The following TP53INP2 variants were observed in gnomAD, a reference collection of about 807,000 sequenced individuals.
TP53INP2 encodes tumor protein p53-inducible nuclear protein 2.
TP53INP2 carries 12 observed loss-of-function variants against 17.1 expected under a neutral mutation model. That is an observed-to-expected ratio of 0.70 (90% confidence interval 0.45 to 1.14). The LOEUF (loss-of-function observed/expected upper bound fraction) is 1.14, where lower values mean the gene tolerates loss of function less well. Among genes scored for constraint, TP53INP2 ranks in the 50% most tolerant of loss-of-function variants. The pLI is 0.00. For missense variants in TP53INP2, 342 were observed against 330.9 expected (o/e 1.03, Z -0.26); for synonymous variants, 145 against 147.3 (o/e 0.98, Z 0.12).
chr20:34,705,044 TC>T (rs1196591311), intron 1 of TP53INP2, among the ~76,000 whole-genome samples: 1 of 152,138 alleles, frequency 6.6e-6, no homozygotes, highest in Non-Finnish European at 1.5e-5. Context: ...AATAACATCC[TC>T]CTAATCCCTG....
In TP53INP2 at chr20:34,709,160, G is replaced by GGTGT. The variant is rs72441151; in HGVS notation, c.125-54_125-51dup. 1.3e-4 allele frequency: 171 copies of GGTGT among 1,360,070 alleles called. No homozygotes were observed. Among genetic ancestry groups the GGTGT allele is most frequent in the South Asian group, 7.8e-4 (52 of 66,986 alleles). 84.3% of individuals were successfully genotyped at this position (1,360,070 alleles called of 1,614,324 possible). The stretch of plus-strand genomic sequence containing the variant: ...CCTTTCTCTCCCCGCCCCCTTGTCC[G>GGTGT]GTGTGTGTGTGTGTGTGTGTGTGTG... On this transcript the variant is annotated intron_variant, in intron 3 of 4. Transcript: ENST00000374810. This position sits in a 1 kb window ranked among gnomAD's most constrained non-coding sequence, Gnocchi z 5.4.
rs1988083111 is a variant in TP53INP2 at position 34,709,209 on chromosome 20, GCACGGCTCCCATCC to G, written c.125-25_125-12del. The G allele has an allele frequency of 2.0e-6, 3 of 1,532,588 alleles. No individual in the cohort carries two copies. The East Asian group carries it at 7.4e-5, about 38-fold the overall frequency. The allele number at this position is 1,532,588 out of a possible 1,614,324, so 94.9% of individuals were successfully genotyped here. A position where few individuals can be genotyped will look rare whatever the true frequency, so the allele number is the denominator to read the frequency against. ...TGCCTCCTCGCTGCTCCCCTCCTCT[GCACGGCTCCCATCC>G]CGCGCCCCGTAGACAGCTACGCGGC... On this transcript the variant is annotated splice_polypyrimidine_tract_variant and intron_variant, in intron 3 of 4. Coordinates refer to ENST00000374810, the MANE Select transcript of TP53INP2 (RefSeq NM_021202.3). The surrounding 1 kb of genome is among the most constrained non-coding windows in gnomAD (Gnocchi z 5.4).
rs181587000 is a variant in TP53INP2, at chr20:34,707,832, C to G, written c.-49-859C>G. ...TATTATTTTGAGACCAAGTTTCGCT[C>G]TGTCACCCAGGCTGGAGTGCAGTGG... On this transcript the variant is annotated intron_variant, in intron 2 of 4. Coordinates refer to ENST00000374810, the MANE Select transcript of TP53INP2 (RefSeq NM_021202.3). 1.3e-4 allele frequency among the ~76,000 whole-genome samples: 20 copies of G among 152,330 alleles called. No individual in the cohort carries two copies. In the East Asian group the frequency reaches 2.9e-3, roughly 22 times the overall value.
In TP53INP2 at chr20:34,709,256, A is replaced by G. The variant is rs899215463; in HGVS notation, c.145A>G (p.Ser49Gly). The part of the protein sequence containing the change: ...DLPDSYAAPP[S>G]PGAAPAPAGR... ...CGTAGACAGCTACGCGGCTCCACCC[A>G]GCCCCGGGGCCGCCCCTGCCCCCGC... Residue 49 changes from serine (S) to glycine (G), a missense_variant, in exon 4 of 5, where the codon AGC becomes GGC. Transcript: ENST00000374810. The surrounding 1 kb of genome is among the most constrained non-coding windows in gnomAD (Gnocchi z 5.4). The G allele has an allele frequency of 1.4e-5, 22 of 1,575,326 alleles. No individual in the cohort carries two copies. The highest frequency in any genetic ancestry group is 1.8e-5 in the Non-Finnish European group (21 of 1,160,886).
chr20:34,710,272 A>G lies in TP53INP2; in HGVS notation c.628A>G (p.Ile210Val), dbSNP rs1405989055. The G allele has an allele frequency of 2.1e-6, 3 of 1,440,920 alleles. No individual in the cohort carries two copies. The highest frequency in any genetic ancestry group is 1.5e-5 in the African/African-American group (1 of 68,332). The allele number at this position is 1,440,920 out of a possible 1,614,324, so 89.3% of individuals were successfully genotyped here. The change falls in exon 5 of 5, where the codon ATC (isoleucine) becomes GTC (valine). Residue 210 changes from isoleucine to valine, a missense_variant. By Grantham distance (29) the Ile-to-Val change is conservative. Coordinates refer to ENST00000374810, the MANE Select transcript of TP53INP2 (RefSeq NM_021202.3). The surrounding 1 kb of genome is among the most constrained non-coding windows in gnomAD (Gnocchi z 4.9). Reference protein sequence around the residue: ...PRRSKNQSSFIYQPCQRQFNY With the variant: ...PRRSKNQSSFVYQPCQRQFNY Reference sequence around the variant, plus strand: ...CCGGTCCAAGAACCAGAGCAGCTTCATCTACCAGCCGTGCCAGCGCCAGTT... The same window carrying G: ...CCGGTCCAAGAACCAGAGCAGCTTCGTCTACCAGCCGTGCCAGCGCCAGTT...
In TP53INP2 at chr20:34,713,160, T is replaced by G. The variant is rs1220079308; in HGVS notation, c.*2853T>G. ...ATGCAGACACACCATAGCCCCCTTC[T>G]ACTACTTTCCCTCTCGCCCTGCCAC... On this transcript the variant is annotated 3_prime_UTR_variant, in exon 5 of 5. Coordinates refer to ENST00000374810, the MANE Select transcript of TP53INP2 (RefSeq NM_021202.3). 1 of 152,660 alleles carries G rather than the reference T, an allele frequency of 6.6e-6. No homozygotes were observed. The highest frequency in any genetic ancestry group is 1.5e-5 in the Non-Finnish European group (1 of 68,068). 9.5% of individuals were successfully genotyped at this position (152,660 alleles called of 1,614,324 possible). A position where few individuals can be genotyped will look rare whatever the true frequency, so the allele number is the denominator to read the frequency against.
At position 34,709,578 on chromosome 20, in the gene TP53INP2, C is replaced by T. The variant is rs866077424; in HGVS notation, c.413+54C>T. ...GCCCAGGGAGACGGATCTTGGAGGC[C>T]AGGGTCCAGGCTAGGAGGCTGGGGT... is the stretch of plus-strand genomic sequence containing the variant. On this transcript the variant is annotated intron_variant, in intron 4 of 4. Coordinates refer to ENST00000374810, the MANE Select transcript of TP53INP2 (RefSeq NM_021202.3). The surrounding 1 kb of genome is among the most constrained non-coding windows in gnomAD (Gnocchi z 5.4). The T allele has an allele frequency of 1.3e-6, 2 of 1,546,558 alleles. No homozygotes were observed. The highest frequency in any genetic ancestry group is 1.2e-5 in the South Asian group (1 of 84,034).
At chr20:34,708,373 G>C (rs1988048086) in intron 2 of TP53INP2, among the ~76,000 whole-genome samples, 1 of 151,960 alleles carries the variant, frequency 6.6e-6, no homozygotes, top group South Asian at 2.1e-4. Flanking sequence ...ATTCTTATTA[G>C]AGCCTGGAGG....
chr20:34,708,155 C>T (rs1988043363), intron 2 of TP53INP2, among the ~76,000 whole-genome samples: 1 of 152,188 alleles, frequency 6.6e-6, no homozygotes, highest in African/African-American at 2.4e-5. Context: ...GCTTGGATGT[C>T]CAATTCTCTG....
chr20:34,713,285 C>T lies in TP53INP2; in HGVS notation c.*2978C>T, dbSNP rs1988259281. 1 of 152,628 alleles carries T rather than the reference C, an allele frequency of 6.6e-6. No individual in the cohort carries two copies. Among genetic ancestry groups the T allele is most frequent in the Non-Finnish European group, 1.5e-5 (1 of 68,038 alleles). The allele number at this position is 152,628 out of a possible 1,614,324, so 9.5% of individuals were successfully genotyped here. A position where few individuals can be genotyped will look rare whatever the true frequency, so the allele number is the denominator to read the frequency against. ...AGACTTTGACCATGTGACGTGTCAA[C>T]AGACTCAAGGAGACAACCACCTCAA... is the stretch of plus-strand genomic sequence containing the variant. On this transcript the variant is annotated 3_prime_UTR_variant, in exon 5 of 5. Transcript: ENST00000374810.
rs954329017 is a variant in TP53INP2 at position 34,713,374 on chromosome 20, A to G, written c.*3067A>G. 2 of 152,676 alleles carry G rather than the reference A, an allele frequency of 1.3e-5. No individual in the cohort carries two copies. Among genetic ancestry groups the G allele is most frequent in the African/African-American group, 4.8e-5 (2 of 41,458 alleles). The allele number at this position is 152,676 out of a possible 1,614,324, so 9.5% of individuals were successfully genotyped here. On this transcript the variant is annotated 3_prime_UTR_variant, in exon 5 of 5. Coordinates refer to ENST00000374810, the MANE Select transcript of TP53INP2 (RefSeq NM_021202.3). ...ATTCTGATTGTTAGACTGTAATGCT[A>G]TTCCTCTATGGGAGAAAAAAATTAA...
Position 34,712,475 on chromosome 20 carries a change from ATAT to A in TP53INP2, c.*2170_*2172del, listed in dbSNP as rs1568687747. The A allele has an allele frequency of 6.6e-6, 1 of 152,586 alleles. No individual in the cohort carries two copies. Among genetic ancestry groups the A allele is most frequent in the East Asian group, 1.9e-4 (1 of 5,192 alleles). The allele number at this position is 152,586 out of a possible 1,614,324, so 9.5% of individuals were successfully genotyped here. On this transcript the variant is annotated 3_prime_UTR_variant, in exon 5 of 5. Transcript: ENST00000374810. ...TCTCACCTGCTTGGTTGCAAGGCTC[ATAT>A]TTTTTTGTACCTTTCCTATAGATTC...
At position 34,709,997 on chromosome 20, in the gene TP53INP2, C is replaced by T; in HGVS notation, c.414-61C>T. On this transcript the variant is annotated intron_variant, in intron 4 of 4. Coordinates refer to ENST00000374810, the MANE Select transcript of TP53INP2 (RefSeq NM_021202.3). This position sits in a 1 kb window ranked among gnomAD's most constrained non-coding sequence, Gnocchi z 5.4. ...CCGAAGCAAGGGTGGGAGATGGCAG[C>T]GCCCTCTAGACCCCCCGCCCAGCTT... 8.7e-7 allele frequency: 1 copy of T among 1,151,918 alleles called. No individual in the cohort carries two copies. Among genetic ancestry groups the T allele is most frequent in the Non-Finnish European group, 1.1e-6 (1 of 947,572 alleles). The allele number at this position is 1,151,918 out of a possible 1,614,324, so 71.4% of individuals were successfully genotyped here.
chr20:34,706,889 C>T (rs966264641), intron 2 of TP53INP2, among the ~76,000 whole-genome samples: 5 of 152,240 alleles, frequency 3.3e-5, no homozygotes, highest in Admixed American at 6.5e-5. Flanking sequence ...GCAGCAAAAC[C>T]GTTGAGCATC....
Position 34,712,515 on chromosome 20 carries a change from A to T in TP53INP2, c.*2208A>T, listed in dbSNP as rs1326663123. The T allele has an allele frequency of 1.3e-5, 2 of 152,498 alleles. No individual in the cohort carries two copies. The highest frequency in any genetic ancestry group is 2.9e-5 in the Non-Finnish European group (2 of 68,028). The allele number at this position is 152,498 out of a possible 1,614,324, so 9.4% of individuals were successfully genotyped here. A position where few individuals can be genotyped will look rare whatever the true frequency, so the allele number is the denominator to read the frequency against. On this transcript the variant is annotated 3_prime_UTR_variant, in exon 5 of 5. Transcript: ENST00000374810. ...TTTCCTATAGATTCTGTAGCATTTG[A>T]GTGTGGCAATATTTTAATTGTGTAT...
chr20:34,707,981 G>C (rs1988038163), intron 2 of TP53INP2, among the ~76,000 whole-genome samples: 1 of 152,146 alleles, frequency 6.6e-6, no homozygotes, highest in Admixed American at 6.5e-5. Context: ...GGCTGGTCTT[G>C]AACTCCTGGC....
rs1988252118 is a variant in TP53INP2 at position 34,713,111 on chromosome 20, T to C, written c.*2804T>C. 1.3e-5 allele frequency: 2 copies of C among 152,530 alleles called. No individual in the cohort carries two copies. Among genetic ancestry groups the C allele is most frequent in the African/African-American group, 4.8e-5 (2 of 41,464 alleles). The allele number at this position is 152,530 out of a possible 1,614,324, so 9.4% of individuals were successfully genotyped here. ...GCTCTTGGATACCCCCCTAGATCCATGTGGCTTTATGTGAGGGGACTGAAT... is the reference window on the plus strand; with the variant it reads ...GCTCTTGGATACCCCCCTAGATCCACGTGGCTTTATGTGAGGGGACTGAAT... On this transcript the variant is annotated 3_prime_UTR_variant, in exon 5 of 5. Transcript: ENST00000374810.
chr20:34,708,398 A>G (rs904977058), intron 2 of TP53INP2, among the ~76,000 whole-genome samples: 1 of 152,160 alleles, frequency 6.6e-6, no homozygotes, highest in African/African-American at 2.4e-5. Flanking sequence ...TACTATTATT[A>G]GCTTATTTAA....
chr20:34,708,075 T>C (rs1988041398), intron 2 of TP53INP2, among the ~76,000 whole-genome samples: 1 of 152,152 alleles, frequency 6.6e-6, no homozygotes, highest in Non-Finnish European at 1.5e-5. Context: ...TATATTATAA[T>C]GATAACAAGC....
Sources: gnomAD v4.1 joint callset for allele counts (sites outside exome capture counted in the v4.1 genomes callset) on GRCh38, gnomAD v4.1.1 for gene constraint, Gnocchi (gnomAD v3.1) non-coding constraint, MANE v1.5 for transcripts, NCBI Gene and HGNC (gene_info 2026-07-23, HGNC 2026-07-21) for gene names.